Variants in PDE8A observed in about 807,000 individuals in gnomAD.
PDE8A encodes the protein high affinity cAMP-specific and IBMX-insensitive 3',5'-cyclic phosphodiesterase 8A.
PDE8A carries 59 observed loss-of-function variants against 105.0 expected under a neutral mutation model. The ratio of observed to expected loss-of-function variants is 0.56; its 90% CI spans 0.46 to 0.70. The LOEUF is 0.70. PDE8A is among the 30% of genes least tolerant of loss of function. The probability of loss-of-function intolerance (pLI) is 0.00; values close to 1 mark genes in which losing one functional copy is unlikely to be tolerated. For synonymous variants in PDE8A, 355 were observed against 371.9 expected (o/e 0.95, Z 0.52); for missense variants, 1,014 against 1,045.9 (o/e 0.97, Z 0.42).
intron 2 of PDE8A, among the ~76,000 whole-genome samples, 191 bp downstream of exon 2, chr15:85,064,617 G>A (rs1190452980): frequency 6.6e-6 from 1 of 152,160 alleles, no homozygotes. Context: ...AATACACATT[G>A]TGGTGTTTAG....
chr15:85,064,178 T>C, intron 1 of PDE8A, 192 bp from the exon 2 acceptor site: 1 of 496,372 alleles, frequency 2.0e-6, no homozygotes, highest in Admixed American at 3.8e-5. Flanking sequence ...CCTTTCCTGC[T>C]CCCCACTTTT....
Position 85,113,384 on chromosome 15 carries a change from C to G in PDE8A, c.1122C>G (p.Ser374Arg). Residue 374 changes from serine (S) to arginine (R), a missense_variant, in exon 13 of 22, where the codon AGC becomes AGG. By Grantham distance (110) the Ser-to-Arg change is moderately radical (BLOSUM62 -1). Transcript: ENST00000394553. ...GCATCCCTTTCTCCACAGTTTCCAG[C>G]CAGAGACGACACTCTTCCATGGCCC... is the stretch of plus-strand genomic sequence containing the variant. Reference protein sequence around the residue: ...AVASRATEVSSQRRHSSMARI... With the variant: ...AVASRATEVSRQRRHSSMARI... The G allele has an allele frequency of 1.2e-6, 2 of 1,614,008 alleles. No individual in the cohort carries two copies. Among genetic ancestry groups the G allele is most frequent in the Non-Finnish European group, 1.7e-6 (2 of 1,179,866 alleles).
At chr15:85,075,431 G>A (rs949100992) in intron 3 of PDE8A, among the ~76,000 whole-genome samples, 4 of 152,174 alleles carry the variant, frequency 2.6e-5, no homozygotes, top group Non-Finnish European at 4.4e-5. Flanking sequence ...ATGCAGTGGA[G>A]CCAGCCCTTG....
rs765877114 is a variant in PDE8A at position 85,117,645 on chromosome 15, T to C, written c.1540T>C (p.Leu514=). The C allele has an allele frequency of 2.5e-6, 4 of 1,613,880 alleles. No individual in the cohort carries two copies. The South Asian group carries it at 4.4e-5, about 18-fold the overall frequency. ...TGGGGTTTTTTCTGTCTATAGGCCTTTGATTTATCTTGGTCTCAAAATGTT... is the reference window on the plus strand; with the variant it reads ...TGGGGTTTTTTCTGTCTATAGGCCTCTGATTTATCTTGGTCTCAAAATGTT... The part of the protein sequence containing the change: ...ELEAATHNRP[L]IYLGLKMFAR... The change falls in exon 17 of 22, where the codon TTG becomes CTG. Residue 514 remains leucine (L), a synonymous_variant. Coordinates refer to ENST00000394553, the MANE Select transcript of PDE8A (RefSeq NM_002605.3).
At chr15:85,061,508 G>C (rs1039779626) in intron 1 of PDE8A, among the ~76,000 whole-genome samples, 3 of 152,086 alleles carry the variant, frequency 2.0e-5, no homozygotes, top group Non-Finnish European at 4.4e-5. Flanking sequence ...CCAAAGTGCT[G>C]GGATTACAGG....
chr15:85,098,167 C>T, intron 9 of PDE8A, 131 bp downstream of exon 9: 1 of 666,392 alleles, frequency 1.5e-6, no homozygotes, highest in Non-Finnish European at 2.7e-6. Context: ...AATGGCCTTC[C>T]AGCATAGTGT....
At chr15:85,055,049 C>T (rs2081038511) in intron 1 of PDE8A, among the ~76,000 whole-genome samples, 1 of 152,136 alleles carries the variant, frequency 6.6e-6, no homozygotes, top group African/African-American at 2.4e-5. Context: ...CTCTTTATTT[C>T]TGCCTTCATT....
At chr15:85,021,103 C>T (rs1288903222) in intron 1 of PDE8A, among the ~76,000 whole-genome samples, 1 of 152,082 alleles carries the variant, frequency 6.6e-6, no homozygotes, top group East Asian at 1.9e-4. Context: ...GATTAGTTCC[C>T]TTAAAAAAGA....
At chr15:85,113,567 G>T in intron 13 of PDE8A, 120 bp downstream of exon 13, 4 of 876,640 alleles carry the variant, frequency 4.6e-6, no homozygotes, top group Non-Finnish European at 7.7e-6. Context: ...TAGTTGTGTG[G>T]TGCTAGTAGC....
intron 16 of PDE8A, among the ~76,000 whole-genome samples, chr15:85,116,822 G>T (rs16974889): frequency 0.12 from 17,913 of 152,212 alleles, 1,512 homozygotes; most frequent in East Asian, 0.37. Context: ...GGCTCCCCTT[G>T]AGTTAACCTT....
At position 85,016,593 on chromosome 15, in the gene PDE8A, C is replaced by T. The variant is rs906972653; in HGVS notation, c.186+34245C>T. ...AATTATCTTGCAAGGCTATTCCTCT[C>T]TCTTTTCTTTCCCTTTTCAGGGTCT... On this transcript the variant is annotated intron_variant, in intron 1 of 21. Transcript: ENST00000394553. Among the ~76,000 whole-genome samples the T allele has an allele frequency of 1.3e-5, 2 of 152,224 alleles. 1 individual carries two copies. The highest frequency in any genetic ancestry group is 2.9e-5 in the Non-Finnish European group (2 of 68,050).
At chr15:85,123,314 T>G (rs939413779) in intron 19 of PDE8A, 121 bp downstream of exon 19, 4 of 742,940 alleles carry the variant, frequency 5.4e-6, no homozygotes, top group Non-Finnish European at 9.2e-6. Context: ...TATTAGACTC[T>G]TACAGGGACA....
chr15:85,049,753 T>C (rs1028613418), intron 1 of PDE8A, among the ~76,000 whole-genome samples: 1 of 152,226 alleles, frequency 6.6e-6, no homozygotes, highest in Non-Finnish European at 1.5e-5. Context: ...TTGGGCTGTT[T>C]TCATGTTTTA....
chr15:85,092,050 G>C (rs2081652943), intron 8 of PDE8A, among the ~76,000 whole-genome samples: 1 of 152,096 alleles, frequency 6.6e-6, no homozygotes, highest in Admixed American at 6.6e-5. Context: ...CATTTGGCTA[G>C]TTCCTATCTT....
At chr15:85,107,452 G>C (rs941468200) in intron 11 of PDE8A, among the ~76,000 whole-genome samples, 1 of 152,206 alleles carries the variant, frequency 6.6e-6, no homozygotes, top group Non-Finnish European at 1.5e-5. Flanking sequence ...AAGGGATAAG[G>C]TTGGTGTTTT....
intron 9 of PDE8A, among the ~76,000 whole-genome samples, chr15:85,098,760 G>A (rs776691052): frequency 2.6e-5 from 4 of 152,058 alleles, no homozygotes; most frequent in Non-Finnish European, 5.9e-5. Flanking sequence ...AGGAGTTTGG[G>A]ATCCGCCTGA....
At chr15:85,055,818 A>T (rs2141429840) in intron 1 of PDE8A, among the ~76,000 whole-genome samples, 1 of 152,138 alleles carries the variant, frequency 6.6e-6, no homozygotes, top group African/African-American at 2.4e-5. Context: ...ATTTAAGGTT[A>T]ATATTGTTAT....
chr15:84,996,977 C>T (rs1038942854), intron 1 of PDE8A, among the ~76,000 whole-genome samples: 3 of 151,880 alleles, frequency 2.0e-5, no homozygotes, highest in African/African-American at 7.3e-5. Context: ...CTACTGTAGA[C>T]CTTATAAACA....
chr15:84,980,783 C>T (rs552586848), upstream of PDE8A: 34 of 152,508 alleles, frequency 2.2e-4, no homozygotes, highest in African/African-American at 7.7e-4. Context: ...GCCCCTTCCC[C>T]TGGCTCTGCC....
Sources: allele counts gnomAD v4.1 joint callset (sites outside exome capture counted in the v4.1 genomes callset), GRCh38; gene constraint gnomAD v4.1.1; transcripts MANE v1.5; gene names NCBI Gene and HGNC (gene_info 2026-07-23, HGNC 2026-07-21).